Variants in ST6GAL1 observed in about 807,000 individuals in gnomAD.
ST6GAL1 encodes the protein beta-galactoside alpha-2,6-sialyltransferase 1.
Under a neutral mutation model 38.0 loss-of-function variants are expected in ST6GAL1, and 20 were observed. The observed-to-expected ratio is 0.53, with a 90% CI of 0.37 to 0.77. The LOEUF is 0.77. Ranked by LOEUF, ST6GAL1 falls within the 30% of genes least tolerant of loss-of-function variation. The pLI, the probability that ST6GAL1 is intolerant of heterozygous loss-of-function variation, is 0.00. For missense variants in ST6GAL1, 432 were observed against 496.4 expected, an observed-to-expected ratio of 0.87 and a Z score of 1.23; for synonymous variants, 196 against 188.2, an observed-to-expected ratio of 1.04 and a Z score of -0.34.
At chr3:186,962,184 G>C (rs1035200357) in intron 1 of ST6GAL1, among the ~76,000 whole-genome samples, 2 of 152,164 alleles carry the variant, frequency 1.3e-5, no homozygotes, top group African/African-American at 4.8e-5. Flanking sequence ...GCTCACTTCA[G>C]CTTCAGTTCT....
chr3:187,075,863 G>T lies in ST6GAL1; in HGVS notation c.*60G>T. 6.3e-7 allele frequency: 1 copy of T among 1,596,028 alleles called. No homozygotes were observed. The highest frequency in any genetic ancestry group is 8.5e-7 in the Non-Finnish European group (1 of 1,169,976). On this transcript the variant is annotated 3_prime_UTR_variant, in exon 8 of 8. Transcript: ENST00000169298. This position sits in a 1 kb window ranked among gnomAD's most constrained non-coding sequence, Gnocchi z 4.1. ...AATGAATGGTCTCTTGGCCACCCCA[G>T]CCTGGGAAGAACATTTTCCTGAACA...
intron 5 of ST6GAL1, among the ~76,000 whole-genome samples, chr3:187,060,473 T>A (rs1718876479): frequency 6.6e-6 from 1 of 152,192 alleles, no homozygotes; most frequent in Admixed American, 6.5e-5. Flanking sequence ...GTGAGACATC[T>A]TCTTTATGGC....
At chr3:186,993,561 TTTATTTA>T (rs1560154665) in intron 2 of ST6GAL1, among the ~76,000 whole-genome samples, 15,929 of 77,256 alleles carry the variant, frequency 0.21, 981 homozygotes, top group South Asian at 0.28. Flanking sequence ...CAGAGTTTTA[TTTATTTA>T]TTTATTTATT....
intron 2 of ST6GAL1, among the ~76,000 whole-genome samples, chr3:186,972,647 T>C (rs1715390444): frequency 1.3e-5 from 2 of 152,118 alleles, no homozygotes; most frequent in Non-Finnish European, 2.9e-5. Flanking sequence ...GTGTTCACAG[T>C]GCCCAGCACA....
chr3:187,016,916 C>A (rs951858032), intron 2 of ST6GAL1, among the ~76,000 whole-genome samples: 1 of 152,210 alleles, frequency 6.6e-6, no homozygotes, highest in Non-Finnish European at 1.5e-5. Flanking sequence ...AAAGGCCCAC[C>A]TCAATGCAAG....
chr3:186,944,227 C>T (rs1449520049), intron 1 of ST6GAL1, among the ~76,000 whole-genome samples: 1 of 152,154 alleles, frequency 6.6e-6, no homozygotes, highest in Non-Finnish European at 1.5e-5. Flanking sequence ...CCAGGTAGTG[C>T]CTGCGAATCC....
At chr3:186,944,357 G>A (rs1231112450) in intron 1 of ST6GAL1, among the ~76,000 whole-genome samples, 1 of 152,142 alleles carries the variant, frequency 6.6e-6, no homozygotes, top group Non-Finnish European at 1.5e-5. Context: ...GGAAGGTGGA[G>A]GGCATAACAT....
At chr3:187,010,976 A>G (rs1358591124) in intron 2 of ST6GAL1, among the ~76,000 whole-genome samples, 1 of 152,210 alleles carries the variant, frequency 6.6e-6, no homozygotes, top group Non-Finnish European at 1.5e-5. Context: ...GGCCGAGAGA[A>G]CTTTGAGCGT....
chr3:186,953,411 T>C (rs1714645183), intron 1 of ST6GAL1, among the ~76,000 whole-genome samples: 1 of 152,196 alleles, frequency 6.6e-6, no homozygotes, highest in Admixed American at 6.5e-5. Context: ...CCTTCCTTCA[T>C]GTATCCTATT....
At chr3:186,957,471 TAAG>T (rs1714785163) in intron 1 of ST6GAL1, among the ~76,000 whole-genome samples, 1 of 151,030 alleles carries the variant, frequency 6.6e-6, no homozygotes, top group African/African-American at 2.4e-5. Flanking sequence ...AAAAGAAAAA[TAAG>T]AAGGATTATT....
At chr3:187,004,421 G>T (rs146250308) in intron 2 of ST6GAL1, among the ~76,000 whole-genome samples, 2 of 152,226 alleles carry the variant, frequency 1.3e-5, no homozygotes, top group African/African-American at 2.4e-5. Flanking sequence ...TCCTGCTTCT[G>T]ATACCAAAGT....
intron 2 of ST6GAL1, among the ~76,000 whole-genome samples, chr3:186,967,256 A>G (rs1240289259): frequency 6.6e-6 from 1 of 152,084 alleles, no homozygotes; most frequent in African/African-American, 2.4e-5. Flanking sequence ...CGGTGGCGCA[A>G]TCTCAGCTCA....
chr3:187,041,009 G>A (rs1333588956), intron 3 of ST6GAL1, among the ~76,000 whole-genome samples: 1 of 152,172 alleles, frequency 6.6e-6, no homozygotes, highest in South Asian at 2.1e-4. Flanking sequence ...TCATGGCTGT[G>A]GCTTCACACT....
chr3:187,071,037 G>A (rs1014064902), intron 5 of ST6GAL1, among the ~76,000 whole-genome samples: 4 of 152,182 alleles, frequency 2.6e-5, no homozygotes, highest in East Asian at 1.9e-4. Context: ...GTAGAGGCTC[G>A]TGGCAGATTG....
At chr3:186,964,156 C>G (rs1182877108) in intron 2 of ST6GAL1, 1 of 152,210 alleles carries the variant, frequency 6.6e-6, no homozygotes, top group Non-Finnish European at 1.5e-5. Context: ...TGTATTTTCT[C>G]AGTTGCTGGT....
rs560714091 is a variant in ST6GAL1 at position 187,030,028 on chromosome 3, T to C, written c.-182-8714T>C. Among the ~76,000 whole-genome samples the C allele has an allele frequency of 1.1e-4, 16 of 152,224 alleles. No homozygotes were observed. The South Asian group carries it at 3.3e-3, about 32-fold the overall frequency. On this transcript the variant is annotated intron_variant, in intron 2 of 7. Transcript: ENST00000169298. ...GAAATAACAAGATCAGAGATACAAC[T>C]CTGGGAGTGAGTGGCCGTGGTCACA...
rs151269947 is a variant in ST6GAL1 at position 187,068,124 on chromosome 3, C to T, written c.706-4725C>T. 0.018 allele frequency among the ~76,000 whole-genome samples: 2,710 copies of T among 151,948 alleles called. 181 individuals carry two copies. The East Asian group carries it at 0.23, about 13-fold the overall frequency. On this transcript the variant is annotated intron_variant, in intron 5 of 7. Coordinates refer to ENST00000169298, the MANE Select transcript of ST6GAL1 (RefSeq NM_173216.2). ...TTGGGAGGCCGAGGCAGGTGGATCA[C>T]GAGGTCAGGAGATCAAGACCATCCT...
At chr3:187,046,237 C>G (rs1718291747) in intron 4 of ST6GAL1, among the ~76,000 whole-genome samples, 1 of 152,180 alleles carries the variant, frequency 6.6e-6, no homozygotes, top group Non-Finnish European at 1.5e-5. Flanking sequence ...TACTATCTAG[C>G]TGGAAATGAT....
At chr3:187,055,014 G>A (rs932110319) in intron 5 of ST6GAL1, among the ~76,000 whole-genome samples, 1 of 152,032 alleles carries the variant, frequency 6.6e-6, no homozygotes, top group Non-Finnish European at 1.5e-5. Flanking sequence ...CTTCTTCCTG[G>A]TTTAGTCTTG....
Sources: allele counts gnomAD v4.1 joint callset (sites outside exome capture counted in the v4.1 genomes callset), GRCh38; gene constraint gnomAD v4.1.1; non-coding constraint Gnocchi (gnomAD v3.1); transcripts MANE v1.5; gene names NCBI Gene and HGNC (gene_info 2026-07-23, HGNC 2026-07-21).